Variants in EML5 observed in about 807,000 individuals in gnomAD.
EML5 encodes the protein EMAP like 5.
In EML5, 120 loss-of-function variants were observed where a neutral mutation model predicts 250.0. The ratio of observed to expected loss-of-function variants is 0.48; its 90% confidence interval spans 0.41 to 0.56. The LOEUF is 0.56. EML5 is among the 20% of genes least tolerant of loss of function. The pLI is 0.00. For synonymous variants in EML5, 771 were observed against 806.5 expected (o/e 0.96, Z 0.75); for missense variants, 2,006 against 2,437.6 (o/e 0.82, Z 3.73).
chr14:88,714,402 C>T (rs2139903150), intron 9 of EML5, among the ~76,000 whole-genome samples: 1 of 151,970 alleles, frequency 6.6e-6, no homozygotes, highest in South Asian at 2.1e-4. Flanking sequence ...TTGGTGGGGG[C>T]CGGGGTGGAT....
At chr14:88,706,914 G>A (rs990039602) in intron 10 of EML5, among the ~76,000 whole-genome samples, 2 of 152,146 alleles carry the variant, frequency 1.3e-5, no homozygotes, top group Non-Finnish European at 2.9e-5. Context: ...AGTTTGGTTC[G>A]ACATTAAAAA....
intron 18 of EML5, among the ~76,000 whole-genome samples, chr14:88,687,880 A>G (rs1164389263): frequency 6.6e-6 from 1 of 152,084 alleles, no homozygotes; most frequent in Non-Finnish European, 1.5e-5. Context: ...GTTGGAGACT[A>G]CCCTGGGCAA....
intron 1 of EML5, among the ~76,000 whole-genome samples, chr14:88,757,772 C>A (rs1404702603): frequency 1.3e-5 from 2 of 151,954 alleles, no homozygotes; most frequent in East Asian, 3.9e-4. Context: ...TATACCATTT[C>A]TTTTTTTCTT....
chr14:88,626,664 C>T, intron 35 of EML5, 174 bp downstream of exon 35: 1 of 671,450 alleles, frequency 1.5e-6, no homozygotes, highest in Non-Finnish European at 2.4e-6. Context: ...ATTCTTTTCA[C>T]TCCCTAATTT....
chr14:88,620,933 T>TAA lies in EML5; in HGVS notation c.5203-8_5203-7insTT. ...TCACTTTGTTTAACATCTTCTGCAT[T>TAA]TAAAAAAAAAAAAAAAAAGAGTCAT... On this transcript the variant is annotated splice_region_variant and splice_polypyrimidine_tract_variant and intron_variant, in intron 38 of 43. Transcript: ENST00000554922. This position sits in a 1 kb window ranked among gnomAD's most constrained non-coding sequence, Gnocchi z 4.3. The TAA allele has an allele frequency of 1.4e-6, 2 of 1,429,300 alleles. No individual in the cohort carries two copies. The highest frequency in any genetic ancestry group is 1.7e-5 in the African/African-American group (1 of 59,814). 88.5% of individuals were successfully genotyped at this position (1,429,300 alleles called of 1,614,324 possible).
chr14:88,713,203 C>T (rs1001020866), intron 9 of EML5, among the ~76,000 whole-genome samples: 5 of 151,892 alleles, frequency 3.3e-5, no homozygotes, highest in Admixed American at 6.6e-5. Context: ...ACCAGCCTGG[C>T]CAATATGGTA....
In EML5 at chr14:88,649,920, TC is replaced by T; in HGVS notation, c.4010del (p.Gly1337GlufsTer2). On this transcript the variant is annotated frameshift_variant, in exon 28 of 44. Coordinates refer to ENST00000554922, the MANE Select transcript of EML5 (RefSeq NM_183387.3). LOFTEE classifies it high-confidence loss of function. ...TTTTATAAAACACTTACCTTACTACTCCCTGCCTTCAAAAGGAGCAAGGGGG... is the reference window on the plus strand; with the variant it reads ...TTTTATAAAACACTTACCTTACTACTCCTGCCTTCAAAAGGAGCAAGGGGG... ...QKEPSIDERQGVVRGSRPPVS... is the reference protein window; with the variant it reads ...QKEPSIDERQXVVRGSRPPVS... 1 of 1,491,850 alleles carries T rather than the reference TC, an allele frequency of 6.7e-7. No individual in the cohort carries two copies. 92.4% of individuals were successfully genotyped at this position (1,491,850 alleles called of 1,614,324 possible). A position where few individuals can be genotyped will look rare whatever the true frequency, so the allele number is the denominator to read the frequency against.
intron 41 of EML5, 84 bp downstream of exon 41, chr14:88,618,144 G>A: frequency 2.7e-6 from 3 of 1,110,204 alleles, no homozygotes; most frequent in Admixed American, 4.1e-5. Context: ...ATTCCTTATT[G>A]GAATGGCTCT....
chr14:88,769,250 G>A (rs892338263), intron 1 of EML5, among the ~76,000 whole-genome samples: 3 of 152,078 alleles, frequency 2.0e-5, no homozygotes. Flanking sequence ...TCTCATGAAT[G>A]GTTTACACCT....
intron 1 of EML5, among the ~76,000 whole-genome samples, chr14:88,766,929 A>G (rs1320974020): frequency 6.6e-6 from 1 of 152,212 alleles, no homozygotes; most frequent in Non-Finnish European, 1.5e-5. Context: ...CCGATAGCAC[A>G]CAGTTATAAC....
chr14:88,640,898 C>T (rs988114475), intron 31 of EML5, among the ~76,000 whole-genome samples: 1 of 151,878 alleles, frequency 6.6e-6, no homozygotes, highest in African/African-American at 2.4e-5. Context: ...CACAAGAACA[C>T]AAAAGGCCCT....
intron 21 of EML5, among the ~76,000 whole-genome samples, chr14:88,675,002 A>G (rs1158586947): frequency 1.3e-5 from 2 of 152,176 alleles, no homozygotes; most frequent in African/African-American, 4.8e-5. Flanking sequence ...GTGGGTTCCC[A>G]TGGTCTTGGG....
intron 27 of EML5, among the ~76,000 whole-genome samples, chr14:88,655,002 T>C (rs766687740): frequency 6.6e-6 from 1 of 152,170 alleles, no homozygotes; most frequent in Non-Finnish European, 1.5e-5. Flanking sequence ...GGTCTTCTTG[T>C]TGCATTGATC....
intron 1 of EML5, among the ~76,000 whole-genome samples, chr14:88,786,932 A>G (rs1374922357): frequency 6.6e-6 from 1 of 152,234 alleles, no homozygotes; most frequent in African/African-American, 2.4e-5. Flanking sequence ...ATCAAATAAG[A>G]TGAGAACTGA....
chr14:88,731,014 C>A (rs1454296400), intron 7 of EML5, among the ~76,000 whole-genome samples: 1 of 151,968 alleles, frequency 6.6e-6, no homozygotes, highest in African/African-American at 2.4e-5. Flanking sequence ...ATTTAACTAA[C>A]CACTTTCAGT....
intron 1 of EML5, among the ~76,000 whole-genome samples, chr14:88,761,379 T>C (rs1010624229): frequency 1.3e-5 from 2 of 152,140 alleles, no homozygotes; most frequent in African/African-American, 2.4e-5. Flanking sequence ...GGCCCTGGTA[T>C]GTGACATTCT....
intron 21 of EML5, among the ~76,000 whole-genome samples, chr14:88,672,638 T>C (rs1362546627): frequency 1.3e-5 from 2 of 151,706 alleles, no homozygotes; most frequent in Middle Eastern, 3.4e-3. Flanking sequence ...ATTAATAAAA[T>C]AGATCATTAG....
rs144524844 is a variant in EML5 at position 88,691,351 on chromosome 14, C to T, written c.2540-2878G>A. The stretch of plus-strand genomic sequence containing the variant: ...GTTTTCTCTCTTGTTCTATAATTAC[C>T]TACATAATACCCTTGATTTTGTCCT... On this transcript the variant is annotated intron_variant, in intron 17 of 43. Coordinates refer to ENST00000554922, the MANE Select transcript of EML5 (RefSeq NM_183387.3). Among the ~76,000 whole-genome samples the T allele has an allele frequency of 5.8e-3, 878 of 152,266 alleles. 10 individuals carry two copies. The highest frequency in any genetic ancestry group is 7.7e-3 in the Non-Finnish European group (523 of 68,014).
chr14:88,660,674 T>C (rs2092060331), intron 25 of EML5, among the ~76,000 whole-genome samples: 1 of 149,006 alleles, frequency 6.7e-6, no homozygotes. Flanking sequence ...ACCCGGGAGG[T>C]GGAGGTTGCA....
Sources: allele counts gnomAD v4.1 joint callset (sites outside exome capture counted in the v4.1 genomes callset), GRCh38; gene constraint gnomAD v4.1.1; non-coding constraint Gnocchi (gnomAD v3.1); transcripts MANE v1.5; gene names NCBI Gene and HGNC (gene_info 2026-07-23, HGNC 2026-07-21).